Variants in SNTG1 observed in about 807,000 individuals in gnomAD.
SNTG1 encodes the protein syntrophin gamma 1.
A neutral mutation model predicts 74.7 loss-of-function variants in SNTG1; 39 were observed. The observed-to-expected ratio is 0.52, with a 90% CI of 0.40 to 0.68. SNTG1 has a LOEUF of 0.68. Among genes scored for constraint, SNTG1 ranks in the 30% least tolerant of loss-of-function variants. SNTG1 has a pLI of 0.00. For missense variants in SNTG1, 685 were observed against 609.5 expected (o/e 1.12, Z -1.30); for synonymous variants, 254 against 217.1 (o/e 1.17, Z -1.49).
At chr8:50,651,487 C>T (rs2392705) in intron 13 of SNTG1, among the ~76,000 whole-genome samples, 77,250 of 151,948 alleles carry the variant, frequency 0.51, 21,872 homozygotes, top group East Asian at 0.66. Context: ...GATGGATTTT[C>T]GCTCTTGTTG....
At chr8:50,321,652 G>C (rs1195289926) in intron 2 of SNTG1, among the ~76,000 whole-genome samples, 1 of 152,088 alleles carries the variant, frequency 6.6e-6, no homozygotes, top group South Asian at 2.1e-4. Context: ...CTGGTAGCTT[G>C]ATTTAATTTC....
intron 4 of SNTG1, among the ~76,000 whole-genome samples, chr8:50,430,291 A>G (rs1350073017): frequency 6.6e-6 from 1 of 152,188 alleles, no homozygotes; most frequent in Non-Finnish European, 1.5e-5. Flanking sequence ...GTGTATATTC[A>G]CATATCTATA....
At chr8:50,721,825 G>C (rs1238760065) in intron 17 of SNTG1, among the ~76,000 whole-genome samples, 1 of 152,032 alleles carries the variant, frequency 6.6e-6, no homozygotes, top group Non-Finnish European at 1.5e-5. Context: ...AGATAACATA[G>C]GAAAGGGCCC....
intron 8 of SNTG1, among the ~76,000 whole-genome samples, chr8:50,477,473 C>CA (rs2093706039): frequency 6.6e-6 from 1 of 152,072 alleles, no homozygotes; most frequent in African/African-American, 2.4e-5. Context: ...CAATACATCT[C>CA]AAACAGTTAA....
At chr8:50,595,462 T>A (rs1041382095) in intron 13 of SNTG1, among the ~76,000 whole-genome samples, 2 of 152,078 alleles carry the variant, frequency 1.3e-5, no homozygotes, top group Non-Finnish European at 2.9e-5. Context: ...TATGTAAAAA[T>A]TTATGTATTA....
chr8:50,755,084 T>C (rs974339310), intron 18 of SNTG1, among the ~76,000 whole-genome samples: 2 of 151,832 alleles, frequency 1.3e-5, no homozygotes, highest in Admixed American at 1.3e-4. Flanking sequence ...GATGAAGTTA[T>C]AGCTGATGAA....
At chr8:50,433,120 T>C (rs534504023) in intron 4 of SNTG1, among the ~76,000 whole-genome samples, 60 of 152,324 alleles carry the variant, frequency 3.9e-4, no homozygotes, top group African/African-American at 1.4e-3. Flanking sequence ...TATGTGTTAT[T>C]TTAAATGGCA....
chr8:50,206,732 T>TA (rs2084259718), intron 2 of SNTG1, among the ~76,000 whole-genome samples: 1 of 152,184 alleles, frequency 6.6e-6, no homozygotes, highest in African/African-American at 2.4e-5. Context: ...TATTTTGAAA[T>TA]ATGTCCCATC....
At chr8:50,452,852 A>G (rs1161796440) in intron 8 of SNTG1, among the ~76,000 whole-genome samples, 2 of 152,194 alleles carry the variant, frequency 1.3e-5, no homozygotes, top group Non-Finnish European at 2.9e-5. Context: ...CCTCAGTAGA[A>G]CAGAGATATT....
In SNTG1 at chr8:50,220,262, T is replaced by A. The variant is rs562774803; in HGVS notation, c.-28+47627T>A. ...CTGTCTTTAATGTCGATAGGAAGTG[T>A]GTGAAAGATTTGAACCACACAAACT... On this transcript the variant is annotated intron_variant, in intron 2 of 18. Coordinates refer to ENST00000642720, the MANE Select transcript of SNTG1 (RefSeq NM_018967.5). Among the ~76,000 whole-genome samples the A allele has an allele frequency of 2.0e-5, 3 of 152,218 alleles. No homozygotes were observed. In the East Asian group the frequency reaches 5.8e-4, roughly 30 times the overall value.
rs16914513 is a variant in SNTG1, at chr8:50,215,111, C to T, written c.-28+42476C>T. Among the ~76,000 whole-genome samples, 1,264 of 152,084 alleles carry T rather than the reference C, an allele frequency of 8.3e-3. 21 individuals are homozygous for T. Among genetic ancestry groups the T allele is most frequent in the African/African-American group, 0.029 (1,188 of 41,492 alleles). Reference sequence around the variant, plus strand: ...CAGATGGCCACATGTGCACCAGTCCCGGAAGATCATTCTCCTGGGGCCCTG... The same window carrying T: ...CAGATGGCCACATGTGCACCAGTCCTGGAAGATCATTCTCCTGGGGCCCTG... On this transcript the variant is annotated intron_variant, in intron 2 of 18. Coordinates refer to ENST00000642720, the MANE Select transcript of SNTG1 (RefSeq NM_018967.5).
intron 1 of SNTG1, among the ~76,000 whole-genome samples, chr8:50,008,899 G>A (rs1815501084): frequency 6.6e-6 from 1 of 152,118 alleles, no homozygotes; most frequent in Non-Finnish European, 1.5e-5. Context: ...ATATATTAAA[G>A]AGGCATCTTG....
chr8:50,724,007 A>C (rs1016386727), intron 17 of SNTG1, among the ~76,000 whole-genome samples: 1 of 152,136 alleles, frequency 6.6e-6, no homozygotes, highest in South Asian at 2.1e-4. Context: ...TTTTTCCAAG[A>C]ACATAAGGAG....
At chr8:50,778,333 T>C (rs1343641392) in intron 18 of SNTG1, among the ~76,000 whole-genome samples, 1 of 152,188 alleles carries the variant, frequency 6.6e-6, no homozygotes, top group Non-Finnish European at 1.5e-5. Context: ...TGTAAAAGTG[T>C]TCCTATTCCT....
In SNTG1 at chr8:50,347,953, T is replaced by A. The variant is rs1268064709; in HGVS notation, c.-27-46259T>A. Among the ~76,000 whole-genome samples the A allele has an allele frequency of 2.0e-4, 31 of 152,194 alleles. 2 individuals carry two copies. Among genetic ancestry groups the A allele is most frequent in the Admixed American group, 5.2e-4 (8 of 15,280 alleles). On this transcript the variant is annotated intron_variant, in intron 2 of 18. Coordinates refer to ENST00000642720, the MANE Select transcript of SNTG1 (RefSeq NM_018967.5). ...AGTCATGAAAATATATATGATATAA[T>A]GTTACAGGATGTTTGCTTTCACTTC...
chr8:50,205,692 T>A (rs1351889408), intron 2 of SNTG1, among the ~76,000 whole-genome samples: 2 of 152,236 alleles, frequency 1.3e-5, no homozygotes, highest in Admixed American at 1.3e-4. Flanking sequence ...AGGGTTTTTA[T>A]GGTTTTAGGT....
chr8:50,054,694 TG>T (rs1819875337), intron 1 of SNTG1, among the ~76,000 whole-genome samples: 1 of 152,086 alleles, frequency 6.6e-6, no homozygotes, highest in African/African-American at 2.4e-5. Context: ...ATTTTTGAGT[TG>T]GGGTTTTACT....
intron 1 of SNTG1, among the ~76,000 whole-genome samples, chr8:50,026,136 A>G (rs953624027): frequency 2.6e-5 from 4 of 152,200 alleles, no homozygotes; most frequent in Admixed American, 1.3e-4. Flanking sequence ...GCCATTTTCA[A>G]TCAACACGCA....
intron 1 of SNTG1, among the ~76,000 whole-genome samples, chr8:49,964,354 C>T (rs915741362): frequency 6.6e-6 from 1 of 152,190 alleles, no homozygotes; most frequent in Non-Finnish European, 1.5e-5. Flanking sequence ...GCTGACCCTG[C>T]AGATTTTAGA....
Sources: allele counts gnomAD v4.1 joint callset (sites outside exome capture counted in the v4.1 genomes callset), GRCh38; gene constraint gnomAD v4.1.1; transcripts MANE v1.5; gene names NCBI Gene and HGNC (gene_info 2026-07-23, HGNC 2026-07-21).